The following RSU1 variants were observed in gnomAD, a reference collection of about 807,000 sequenced individuals.
RSU1 encodes Ras suppressor protein 1, also known as rsu-1.
A neutral mutation model predicts 31.1 loss-of-function variants in RSU1; 26 were observed. That is an observed-to-expected ratio of 0.84 (90% CI 0.61 to 1.16). The LOEUF (loss-of-function observed/expected upper bound fraction) is 1.16. Among genes scored for constraint, RSU1 ranks in the 50% most tolerant of loss-of-function variants. The pLI, the probability that RSU1 is intolerant of heterozygous loss-of-function variation, is 0.00. For synonymous variants in RSU1, 164 were observed against 136.3 expected, an observed-to-expected ratio of 1.20 and a Z score of -1.41; for missense variants, 320 against 339.1, an observed-to-expected ratio of 0.94 and a Z score of 0.44.
intron 8 of RSU1, among the ~76,000 whole-genome samples, chr10:16,630,025 A>G (rs1834223062): frequency 6.6e-6 from 1 of 152,188 alleles, no homozygotes; most frequent in Non-Finnish European, 1.5e-5. Flanking sequence ...AATCCCCAAA[A>G]AAGTATTTAT....
chr10:16,746,760 A>C (rs192979627), intron 7 of RSU1, among the ~76,000 whole-genome samples: 1 of 149,436 alleles, frequency 6.7e-6, no homozygotes, highest in Non-Finnish European at 1.5e-5. Flanking sequence ...CTACCAACGC[A>C]GGATTTTTAT....
At chr10:16,663,501 T>C (rs756391476) in intron 8 of RSU1, among the ~76,000 whole-genome samples, 4 of 152,126 alleles carry the variant, frequency 2.6e-5, no homozygotes, top group Admixed American at 6.6e-5. Context: ...AAAATATTCT[T>C]CAATTAAGCT....
chr10:16,800,565 AG>A (rs1838133145), intron 2 of RSU1, among the ~76,000 whole-genome samples: 1 of 152,230 alleles, frequency 6.6e-6, no homozygotes, highest in African/African-American at 2.4e-5. Flanking sequence ...GTAGGAGAAA[AG>A]TAAGACAAAA....
chr10:16,783,364 C>CTTTTGTTTTTTTTTT (rs1837698434), intron 2 of RSU1, among the ~76,000 whole-genome samples: 1 of 132,072 alleles, frequency 7.6e-6, no homozygotes. Flanking sequence ...ACAACTTTTG[C>CTTTTGTTTTTTTTTT]TTTTTTTTTT....
At chr10:16,664,058 T>C (rs189211735) in intron 8 of RSU1, among the ~76,000 whole-genome samples, 3 of 152,302 alleles carry the variant, frequency 2.0e-5, no homozygotes, top group Admixed American at 2.0e-4. Context: ...ACACTGTTTA[T>C]GGTACCAACA....
chr10:16,798,512 C>T (rs1838085973), intron 2 of RSU1, among the ~76,000 whole-genome samples: 1 of 152,122 alleles, frequency 6.6e-6, no homozygotes, highest in African/African-American at 2.4e-5. Flanking sequence ...GCTCTTCCCC[C>T]TTCGCTCAGC....
intron 8 of RSU1, among the ~76,000 whole-genome samples, chr10:16,666,874 A>G (rs1055277640): frequency 2.0e-5 from 3 of 152,214 alleles, no homozygotes; most frequent in African/African-American, 7.2e-5. Context: ...CTGTAATCCC[A>G]GCTACTCAGG....
rs1403625460 is a variant in RSU1 at position 16,703,469 on chromosome 10, C to T, written c.599-8314G>A. On this transcript the variant is annotated intron_variant, in intron 7 of 8. Coordinates refer to ENST00000345264, the MANE Select transcript of RSU1 (RefSeq NM_012425.4). The stretch of plus-strand genomic sequence containing the variant: ...AATTTATGCGGAGGAAATAATCACT[C>T]ATATTAACAATGATTTATGAATACA... Among the ~76,000 whole-genome samples the T allele has an allele frequency of 1.3e-5, 2 of 152,136 alleles. 1 individual carries two copies. Among genetic ancestry groups the T allele is most frequent in the East Asian group, 3.9e-4 (2 of 5,192 alleles).
At chr10:16,619,296 T>C (rs931109252) in intron 8 of RSU1, among the ~76,000 whole-genome samples, 2 of 152,232 alleles carry the variant, frequency 1.3e-5, no homozygotes, top group African/African-American at 4.8e-5. Context: ...TAGCATGTTT[T>C]CACCTCACAG....
intron 7 of RSU1, among the ~76,000 whole-genome samples, chr10:16,695,957 C>T (rs1442983732): frequency 6.6e-6 from 1 of 152,128 alleles, no homozygotes; most frequent in Non-Finnish European, 1.5e-5. Context: ...CCAGCAAGCA[C>T]CCCTCATCTG....
chr10:16,757,067 GTA>G (rs1051912016), intron 4 of RSU1, among the ~76,000 whole-genome samples: 2 of 144,026 alleles, frequency 1.4e-5, no homozygotes, highest in Non-Finnish European at 3.0e-5. Flanking sequence ...TTTGTACACG[GTA>G]TGTGTGTGTG....
intron 8 of RSU1, among the ~76,000 whole-genome samples, chr10:16,626,044 TTTTTC>T (rs1464988817): frequency 3.3e-5 from 5 of 151,838 alleles, no homozygotes; most frequent in African/African-American, 1.2e-4. Flanking sequence ...TCCTTTTCCT[TTTTTC>T]TTTTTTTTTT....
rs528437744 is a variant in RSU1, at chr10:16,771,821, A to G, written c.161-7311T>C. Among the ~76,000 whole-genome samples, 5 of 152,368 alleles carry G rather than the reference A, an allele frequency of 3.3e-5. No individual in the cohort carries two copies. In the South Asian group the frequency reaches 1.0e-3, roughly 32 times the overall value. Reference sequence around the variant, plus strand: ...GTAGTTCCAGGTTATTTAAAAACATAAAGTTTATGAAACAGTAAAGCAAAT... The same window carrying G: ...GTAGTTCCAGGTTATTTAAAAACATGAAGTTTATGAAACAGTAAAGCAAAT... On this transcript the variant is annotated intron_variant, in intron 3 of 8. Transcript: ENST00000345264.
chr10:16,714,379 G>A (rs1218070172), intron 7 of RSU1, among the ~76,000 whole-genome samples: 1 of 152,100 alleles, frequency 6.6e-6, no homozygotes, highest in Non-Finnish European at 1.5e-5. Context: ...GGGAGGGAGG[G>A]CTGCTACTGG....
chr10:16,640,959 T>G (rs959137977), intron 8 of RSU1, among the ~76,000 whole-genome samples: 2 of 152,212 alleles, frequency 1.3e-5, no homozygotes, highest in Non-Finnish European at 2.9e-5. Context: ...TCCCACAGCA[T>G]TATTATTAGG....
intron 8 of RSU1, among the ~76,000 whole-genome samples, chr10:16,620,910 CT>C (rs1834058433): frequency 6.6e-6 from 1 of 151,876 alleles, no homozygotes. Context: ...TCCCTCTCTT[CT>C]TTCCATTTTG....
At chr10:16,710,872 T>C (rs1836003873) in intron 7 of RSU1, among the ~76,000 whole-genome samples, 1 of 152,160 alleles carries the variant, frequency 6.6e-6, no homozygotes, top group Non-Finnish European at 1.5e-5. Flanking sequence ...TGTGTCCATG[T>C]GTTCTCATTG....
At chr10:16,645,124 A>G (rs769023239) in intron 8 of RSU1, among the ~76,000 whole-genome samples, 1 of 152,232 alleles carries the variant, frequency 6.6e-6, no homozygotes, top group Non-Finnish European at 1.5e-5. Context: ...ACCAATGGGC[A>G]AAATCATTTT....
chr10:16,756,133 C>G (rs1298467541), intron 4 of RSU1, among the ~76,000 whole-genome samples: 4 of 152,032 alleles, frequency 2.6e-5, no homozygotes, highest in Non-Finnish European at 4.4e-5. Context: ...TCTACAACTG[C>G]TAACACTGAA....
Sources: gnomAD v4.1 joint callset for allele counts (sites outside exome capture counted in the v4.1 genomes callset) on GRCh38, gnomAD v4.1.1 for gene constraint, MANE v1.5 for transcripts, NCBI Gene and HGNC (gene_info 2026-07-23, HGNC 2026-07-21) for gene names.